The following KIF6 variants were observed in gnomAD, a reference collection of about 807,000 sequenced individuals.
KIF6 encodes kinesin-like protein KIF6.
Under a neutral mutation model 112.7 loss-of-function variants are expected in KIF6, and 106 were observed. The observed-to-expected ratio is 0.94, with a 90% confidence interval of 0.80 to 1.11. The LOEUF (loss-of-function observed/expected upper bound fraction) is 1.11. Among genes scored for constraint, KIF6 ranks in the 50% least tolerant of loss-of-function variants. The pLI, the probability that KIF6 is intolerant of heterozygous loss-of-function variation, is 0.00. For synonymous variants in KIF6, 339 were observed against 339.9 expected (o/e 1.00, Z 0.03); for missense variants, 929 against 964.0 (o/e 0.96, Z 0.48).
intron 15 of KIF6, among the ~76,000 whole-genome samples, chr6:39,418,981 A>G (rs541553004): frequency 2.0e-5 from 3 of 152,128 alleles, no homozygotes; most frequent in South Asian, 4.2e-4. Context: ...GCCTCTGTGA[A>G]GCTGCCCTGG....
At chr6:39,387,620 T>C (rs1767534875) in intron 15 of KIF6, among the ~76,000 whole-genome samples, 2 of 152,078 alleles carry the variant, frequency 1.3e-5, no homozygotes, top group Non-Finnish European at 2.9e-5. Context: ...ATGATGAGTA[T>C]TGGTGAACCT....
intron 10 of KIF6, among the ~76,000 whole-genome samples, chr6:39,567,163 A>G (rs1177749483): frequency 1.3e-5 from 2 of 152,198 alleles, no homozygotes; most frequent in Non-Finnish European, 2.9e-5. Context: ...GTATCAAGGA[A>G]TCATAGTAAC....
At chr6:39,464,703 A>C (rs1773685664) in intron 13 of KIF6, among the ~76,000 whole-genome samples, 2 of 152,274 alleles carry the variant, frequency 1.3e-5, no homozygotes, top group South Asian at 4.1e-4. Context: ...CATAAGCACC[A>C]CTGAGTGGAG....
At chr6:39,419,033 G>GA (rs1390345416) in intron 15 of KIF6, among the ~76,000 whole-genome samples, 1 of 151,908 alleles carries the variant, frequency 6.6e-6, no homozygotes, top group Non-Finnish European at 1.5e-5. Flanking sequence ...AGTTTGGGAT[G>GA]AAAAAAACAT....
intron 3 of KIF6, among the ~76,000 whole-genome samples, chr6:39,676,974 A>G (rs1370321379): frequency 6.6e-6 from 1 of 152,096 alleles, no homozygotes; most frequent in Admixed American, 6.5e-5. Context: ...AAGAGACTCA[A>G]CTAAAGCATA....
At chr6:39,576,775 G>A (rs1380946615) in intron 10 of KIF6, among the ~76,000 whole-genome samples, 2 of 152,134 alleles carry the variant, frequency 1.3e-5, no homozygotes, top group Admixed American at 6.5e-5. Context: ...TCTCTGGGGT[G>A]TTGCTTCATT....
intron 13 of KIF6, among the ~76,000 whole-genome samples, chr6:39,523,637 A>C (rs1582044224): frequency 1.1e-5 from 1 of 91,134 alleles, no homozygotes; most frequent in Admixed American, 1.5e-4. Flanking sequence ...CTCCCCTATT[A>C]ATTCTGCCAT....
chr6:39,592,107 G>A (rs1156549370), intron 7 of KIF6, among the ~76,000 whole-genome samples: 2 of 150,852 alleles, frequency 1.3e-5, no homozygotes, highest in South Asian at 2.1e-4. Flanking sequence ...GTGAGACTCC[G>A]TCTCAAAAAA....
At chr6:39,618,392 C>A (rs143713360) in intron 5 of KIF6, among the ~76,000 whole-genome samples, 1 of 152,144 alleles carries the variant, frequency 6.6e-6, no homozygotes, top group Admixed American at 6.5e-5. Flanking sequence ...ACTGAATGGA[C>A]CCCCTATTGG....
chr6:39,507,932 C>T (rs1161487295), intron 13 of KIF6, among the ~76,000 whole-genome samples: 1 of 129,292 alleles, frequency 7.7e-6, no homozygotes, highest in Non-Finnish European at 1.7e-5. Flanking sequence ...TTTCTTTCCT[C>T]CTACTCCCCT....
At chr6:39,650,301 A>C (rs1011376580) in intron 3 of KIF6, among the ~76,000 whole-genome samples, 3 of 152,148 alleles carry the variant, frequency 2.0e-5, no homozygotes, top group Non-Finnish European at 2.9e-5. Flanking sequence ...CAAGTTTCTG[A>C]AGAAACCGTT....
intron 14 of KIF6, among the ~76,000 whole-genome samples, chr6:39,422,034 G>A (rs927994216): frequency 3.9e-5 from 6 of 152,116 alleles, no homozygotes; most frequent in South Asian, 2.1e-4. Context: ...ACAGTCACAC[G>A]TTGCTCAACG....
intron 14 of KIF6, among the ~76,000 whole-genome samples, chr6:39,430,192 T>G (rs1771055398): frequency 6.6e-6 from 1 of 152,150 alleles, no homozygotes; most frequent in Admixed American, 6.5e-5. Flanking sequence ...TATGGCCTCC[T>G]TTCTCTCTAC....
At chr6:39,653,889 A>C (rs1039527542) in intron 3 of KIF6, among the ~76,000 whole-genome samples, 25 of 152,304 alleles carry the variant, frequency 1.6e-4, no homozygotes, top group African/African-American at 5.1e-4. Flanking sequence ...CAGGAAACAG[A>C]ATAACTCTTG....
At position 39,540,221 on chromosome 6, in the gene KIF6, T is replaced by A. The variant is rs749625668; in HGVS notation, c.1427A>T (p.Asn476Ile). Residue 476 changes from asparagine (N) to isoleucine (I), a missense_variant and splice_region_variant, in exon 13 of 23, where the codon AAT (asparagine) becomes ATT (isoleucine). By Grantham distance (149) the Asn-to-Ile change is moderately radical (BLOSUM62 -3). Coordinates refer to ENST00000287152, the MANE Select transcript of KIF6 (RefSeq NM_145027.6). Reference protein sequence around the residue: ...DILKQRDNEINILVNMLKKEK... With the variant: ...DILKQRDNEIIILVNMLKKEK... ...TTTTTTTAACATGTTGACCAGGATA[T>A]CTGAAACTTGACTTAAGGATTTAAT... is the stretch of plus-strand genomic sequence containing the variant. The A allele has an allele frequency of 5.0e-6, 8 of 1,596,102 alleles. No individual in the cohort carries two copies. Among genetic ancestry groups the A allele is most frequent in the Admixed American group, 1.7e-5 (1 of 57,266 alleles).
At chr6:39,556,478 C>T (rs553187421) in intron 10 of KIF6, among the ~76,000 whole-genome samples, 2 of 152,182 alleles carry the variant, frequency 1.3e-5, no homozygotes, top group South Asian at 2.1e-4. Context: ...AAACTGGCTT[C>T]GAAGCTGACA....
At chr6:39,427,965 G>A (rs1003298639) in intron 14 of KIF6, among the ~76,000 whole-genome samples, 1 of 152,160 alleles carries the variant, frequency 6.6e-6, no homozygotes, top group Admixed American at 6.5e-5. Context: ...GAAAGATGAA[G>A]TACTATGTTC....
At chr6:39,360,146 T>G (rs191950377) in intron 18 of KIF6, among the ~76,000 whole-genome samples, 56 of 152,286 alleles carry the variant, frequency 3.7e-4, no homozygotes, top group Middle Eastern at 3.4e-3. Flanking sequence ...AACCCACTGA[T>G]TTTTGGGAGC....
rs1769248370 is a variant in KIF6, at chr6:39,408,535, TACTC to T, written c.1810+11409_1810+11412del. ...AAAATGGTGAGTTTCTCATTTAACA[TACTC>T]ACTGTTAAATGAGAAAAGCAAGGGG... On this transcript the variant is annotated intron_variant, in intron 15 of 22. Transcript: ENST00000287152. Among the ~76,000 whole-genome samples the T allele has an allele frequency of 3.3e-5, 5 of 152,222 alleles. No homozygotes were observed. In the South Asian group the frequency reaches 1.0e-3, roughly 32 times the overall value.
Sources: allele counts gnomAD v4.1 joint callset (sites outside exome capture counted in the v4.1 genomes callset), GRCh38; gene constraint gnomAD v4.1.1; transcripts MANE v1.5; gene names NCBI Gene and HGNC (gene_info 2026-07-23, HGNC 2026-07-21).